Variants in NAA11 observed in about 807,000 individuals in gnomAD.
The protein encoded by NAA11 is N-alpha-acetyltransferase 11.
Under a neutral mutation model 16.1 loss-of-function variants are expected in NAA11, and 15 were observed. That is an observed-to-expected ratio of 0.93 (90% CI 0.62 to 1.44). NAA11 has a LOEUF of 1.44. NAA11 is among the 40% of genes most tolerant of loss of function. The pLI is 0.00. For missense variants in NAA11, 298 were observed against 291.3 expected, an observed-to-expected ratio of 1.02 and a Z score of -0.17; for synonymous variants, 122 against 112.4, an observed-to-expected ratio of 1.09 and a Z score of -0.54.
At position 79,265,119 on chromosome 4, in the gene NAA11, G is replaced by A. The variant is rs1196435675; in HGVS notation, c.*122+28886C>T. On this transcript the variant is annotated intron_variant and NMD_transcript_variant, in intron 2 of 2. Transcript: ENST00000511542. ...CAGTTGGTCGGATAAAGTATCTGGA[G>A]TCATCCTCATGCCTCTCATTTTCTT... Among the ~76,000 whole-genome samples, 3 of 152,098 alleles carry A rather than the reference G, an allele frequency of 2.0e-5. No homozygotes were observed. The South Asian group carries it at 6.2e-4, about 32-fold the overall frequency.
chr4:79,326,000 G>A lies in NAA11; in HGVS notation c.-123C>T, dbSNP rs1197079013. On this transcript the variant is annotated 5_prime_UTR_variant, in exon 1 of 2. It adds an upstream start codon to the 5' untranslated region. Coordinates refer to ENST00000286794, the MANE Select transcript of NAA11 (RefSeq NM_032693.3). The stretch of plus-strand genomic sequence containing the variant: ...GGGGCTAACACCACCGGGCTGAATC[G>A]TGTGGAGGGCGGATGGCGGGAAGGC... 10 of 790,556 alleles carry A rather than the reference G, an allele frequency of 1.3e-5. No individual in the cohort carries two copies. The highest frequency in any genetic ancestry group is 8.0e-5 in the East Asian group (3 of 37,362). 49.0% of individuals were successfully genotyped at this position (790,556 alleles called of 1,614,324 possible). A position where few individuals can be genotyped will look rare whatever the true frequency, so the allele number is the denominator to read the frequency against.
chr4:79,268,718 T>G (rs1486722089), intron 2 of NAA11, among the ~76,000 whole-genome samples: 1 of 151,840 alleles, frequency 6.6e-6, no homozygotes, highest in Non-Finnish European at 1.5e-5. Flanking sequence ...TTTTTTATTA[T>G]ACTTTAAGTT....
At chr4:79,253,671 A>C (rs1452910846) in intron 2 of NAA11, among the ~76,000 whole-genome samples, 1 of 152,258 alleles carries the variant, frequency 6.6e-6, no homozygotes, top group Non-Finnish European at 1.5e-5. Context: ...ATATTCAAGA[A>C]GAGATGAAAA....
At chr4:79,297,339 CAG>C (rs1723252871) in intron 1 of NAA11, among the ~76,000 whole-genome samples, 1 of 152,146 alleles carries the variant, frequency 6.6e-6, no homozygotes, top group Non-Finnish European at 1.5e-5. Flanking sequence ...GAGGAGTGGA[CAG>C]AGAGGGCCTC....
At chr4:79,236,145 T>C (rs1031765401) in intron 2 of NAA11, among the ~76,000 whole-genome samples, 42 of 152,282 alleles carry the variant, frequency 2.8e-4, no homozygotes, top group African/African-American at 9.6e-4. Context: ...TATATTTCTT[T>C]GGTTAACATT....
At chr4:79,164,856 G>A in the NAA11 span, among the ~76,000 whole-genome samples, 1 of 152,206 alleles carries the variant, frequency 6.6e-6, no homozygotes, top group African/African-American at 2.4e-5. Context: ...TCGTACCCAG[G>A]CTAGTGAAGA....
downstream of NAA11, among the ~76,000 whole-genome samples, chr4:79,313,124 T>G (rs1220914127): frequency 6.6e-6 from 1 of 152,164 alleles, no homozygotes; most frequent in Non-Finnish European, 1.5e-5. Flanking sequence ...AAACACTGGT[T>G]CTTTTCTGGA....
chr4:79,268,587 T>C (rs568492995), intron 2 of NAA11, among the ~76,000 whole-genome samples: 14 of 152,156 alleles, frequency 9.2e-5, no homozygotes, highest in Non-Finnish European at 1.9e-4. Context: ...AAGAAGTGAC[T>C]ATGTATCTTG....
At chr4:79,190,272 T>G in the NAA11 span, among the ~76,000 whole-genome samples, 1 of 152,356 alleles carries the variant, frequency 6.6e-6, no homozygotes, top group African/African-American at 2.4e-5. Context: ...TTGGATTTTT[T>G]CACAGAGATG....
chr4:79,216,921 A>C, the NAA11 span, among the ~76,000 whole-genome samples: 2 of 152,330 alleles, frequency 1.3e-5, no homozygotes, highest in South Asian at 4.1e-4. Context: ...TCCACCAAAC[A>C]TATGCATATC....
the NAA11 span, among the ~76,000 whole-genome samples, chr4:79,219,947 T>A: frequency 6.6e-6 from 1 of 152,228 alleles, no homozygotes; most frequent in Non-Finnish European, 1.5e-5. Flanking sequence ...TTCATTAGTT[T>A]TTGAGCCTTG....
At chr4:79,209,371 G>A in the NAA11 span, among the ~76,000 whole-genome samples, 1 of 152,142 alleles carries the variant, frequency 6.6e-6, no homozygotes, top group South Asian at 2.1e-4. Flanking sequence ...AGTCTTCATT[G>A]AGAAATGGTT....
At chr4:79,159,038 A>G in the NAA11 span, among the ~76,000 whole-genome samples, 13 of 152,294 alleles carry the variant, frequency 8.5e-5, no homozygotes, top group African/African-American at 3.1e-4. Context: ...CAAAGACTTC[A>G]CGACCAAGAA....
intron 2 of NAA11, chr4:79,259,007 G>T: frequency 5.4e-6 from 1 of 183,874 alleles, no homozygotes; most frequent in Non-Finnish European, 1.1e-5. Flanking sequence ...GAGAGCTGCA[G>T]AGACAGTGGG....
chr4:79,228,438 C>T (rs1206509656), intron 2 of NAA11, among the ~76,000 whole-genome samples: 1 of 151,980 alleles, frequency 6.6e-6, no homozygotes, highest in African/African-American at 2.4e-5. Context: ...ACCATCACCA[C>T]AATCAAAATA....
chr4:79,177,468 G>A, the NAA11 span, among the ~76,000 whole-genome samples: 148,310 of 151,778 alleles, frequency 0.98, 72,552 homozygotes, highest in East Asian at 1. Context: ...GCATTTTAAG[G>A]AAAAAAAATG....
chr4:79,205,828 T>TG, the NAA11 span, among the ~76,000 whole-genome samples: 1 of 152,192 alleles, frequency 6.6e-6, no homozygotes, highest in East Asian at 1.9e-4. Flanking sequence ...CTTCTGCATG[T>TG]GGCTATCAAA....
At chr4:79,295,566 T>G (rs1723196614) in intron 1 of NAA11, among the ~76,000 whole-genome samples, 1 of 152,216 alleles carries the variant, frequency 6.6e-6, no homozygotes, top group Non-Finnish European at 1.5e-5. Context: ...GTAGATAAAC[T>G]TAAACTCTCA....
chr4:79,310,971 G>A (rs556404964), intron 1 of NAA11, among the ~76,000 whole-genome samples: 1 of 152,278 alleles, frequency 6.6e-6, no homozygotes, highest in African/African-American at 2.4e-5. Flanking sequence ...AGGGATGAGT[G>A]AAGAATTCAT....
Sources: allele counts gnomAD v4.1 joint callset (sites outside exome capture counted in the v4.1 genomes callset), GRCh38; gene constraint gnomAD v4.1.1; transcripts MANE v1.5; gene names NCBI Gene and HGNC (gene_info 2026-07-23, HGNC 2026-07-21).